Variants in PABPC1 observed in about 807,000 individuals in gnomAD.
PABPC1 encodes poly(A) binding protein cytoplasmic 1.
In PABPC1, 4 loss-of-function variants were observed where a neutral mutation model predicts 74.0. That is an observed-to-expected ratio of 0.05 (90% CI 0.03 to 0.12). The LOEUF is 0.12. Ranked by LOEUF, PABPC1 falls within the 10% of genes least tolerant of loss-of-function variation. The pLI is 1.00. For synonymous variants in PABPC1, 227 were observed against 264.1 expected (o/e 0.86, Z 1.36); for missense variants, 271 against 821.1 (o/e 0.33, Z 8.19).
chr8:100,707,470 G>A (rs1440463219), intron 9 of PABPC1, among the ~76,000 whole-genome samples: 1 of 152,230 alleles, frequency 6.6e-6, no homozygotes, highest in African/African-American at 2.4e-5. Context: ...GTCCACTGGA[G>A]AGGGGGCCCT....
intron 14 of PABPC1, 170 bp downstream of exon 14, chr8:100,704,127 T>C: frequency 1.9e-6 from 1 of 520,262 alleles, no homozygotes; most frequent in Non-Finnish European, 3.4e-6. Context: ...ACGGGTAAAA[T>C]TCCTTTAATT....
At chr8:100,708,192 G>A (rs1810432193) in intron 9 of PABPC1, among the ~76,000 whole-genome samples, 1 of 152,072 alleles carries the variant, frequency 6.6e-6, no homozygotes, top group South Asian at 2.1e-4. Flanking sequence ...TTGGCACCTG[G>A]GTGGTTTGCC....
chr8:100,712,533 C>T (rs182670974), intron 6 of PABPC1, 76 bp from the exon 7 acceptor site: 2 of 1,454,766 alleles, frequency 1.4e-6, no homozygotes, highest in African/African-American at 1.4e-5. Flanking sequence ...ATTATTTTAC[C>T]CCATATTTCT....
intron 4 of PABPC1, among the ~76,000 whole-genome samples, chr8:100,715,059 A>ACT (rs60278938): frequency 0.049 from 7,505 of 151,704 alleles, 610 homozygotes; most frequent in African/African-American, 0.17. Context: ...GTTCTATGAG[A>ACT]CTGCATTCCA....
intron 7 of PABPC1, among the ~76,000 whole-genome samples, chr8:100,710,464 T>G (rs1401259970): frequency 6.6e-6 from 1 of 152,212 alleles, no homozygotes; most frequent in Non-Finnish European, 1.5e-5. Flanking sequence ...AAGTTAACAT[T>G]TTAAAGTACT....
chr8:100,714,940 G>A (rs988726291), intron 4 of PABPC1, among the ~76,000 whole-genome samples: 3 of 152,080 alleles, frequency 2.0e-5, no homozygotes, highest in Non-Finnish European at 4.4e-5. Context: ...TTAAATGCAG[G>A]AAATAAGTAC....
intron 7 of PABPC1, among the ~76,000 whole-genome samples, chr8:100,710,712 C>T (rs369837437): frequency 6.6e-5 from 10 of 152,158 alleles, no homozygotes; most frequent in East Asian, 3.9e-4. Context: ...TTTGGCCGGG[C>T]GCGGTGGCTC....
In PABPC1 at chr8:100,704,379, A is replaced by C. The variant is rs1240000821; in HGVS notation, c.1830T>G (p.Ala610=). The change falls in exon 14 of 15, where the codon GCT becomes GCG. Residue 610 remains alanine (A), a synonymous_variant. Transcript: ENST00000318607. ...CTTGGTGGGCTTGTAGTACAGCTACAGCTTCATCAACCTAAAAAAGGGGAA... is the reference window on the plus strand; with the variant it reads ...CTTGGTGGGCTTGTAGTACAGCTACCGCTTCATCAACCTAAAAAAGGGGAA... ...PESLRSKVDE[A]VAVLQAHQAK... 1.2e-6 allele frequency: 2 copies of C among 1,613,876 alleles called. No individual in the cohort carries two copies. The highest frequency in any genetic ancestry group is 2.2e-5 in the South Asian group (2 of 91,074).
At chr8:100,720,494 C>T (rs1810790608) in intron 1 of PABPC1, among the ~76,000 whole-genome samples, 1 of 152,156 alleles carries the variant, frequency 6.6e-6, no homozygotes, top group Non-Finnish European at 1.5e-5. Context: ...ACTAAAGTAA[C>T]ATTTTATAGC....
chr8:100,714,959 A>G (rs535341557), intron 4 of PABPC1, among the ~76,000 whole-genome samples: 10 of 152,152 alleles, frequency 6.6e-5, no homozygotes, highest in Non-Finnish European at 1.2e-4. Flanking sequence ...ACTTTGAATC[A>G]CTGGAAAATC....
At chr8:100,714,954 G>C (rs566666237) in intron 4 of PABPC1, among the ~76,000 whole-genome samples, 1 of 152,116 alleles carries the variant, frequency 6.6e-6, no homozygotes, top group Non-Finnish European at 1.5e-5. Flanking sequence ...TAAGTACTTT[G>C]AATCACTGGA....
rs746674393 is a variant in PABPC1, at chr8:100,712,459, TA to T, written c.877-3del. ...ATTTTTCACATAAAGATTAACACCCTAAAAAGAAGAAAAGAAAACTATAGAA... is the reference window on the plus strand; with the variant it reads ...ATTTTTCACATAAAGATTAACACCCTAAAAGAAGAAAAGAAAACTATAGAA... On this transcript the variant is annotated splice_polypyrimidine_tract_variant and splice_region_variant and intron_variant, in intron 6 of 14. Coordinates refer to ENST00000318607, the MANE Select transcript of PABPC1 (RefSeq NM_002568.4). The T allele has an allele frequency of 6.3e-7, 1 of 1,578,978 alleles. No homozygotes were observed. Among genetic ancestry groups the T allele is most frequent in the South Asian group, 1.2e-5 (1 of 85,480 alleles).
chr8:100,703,285 A>G lies in PABPC1; in HGVS notation c.*76T>C, dbSNP rs1461676197. On this transcript the variant is annotated 3_prime_UTR_variant, in exon 15 of 15. Coordinates refer to ENST00000318607, the MANE Select transcript of PABPC1 (RefSeq NM_002568.4). ...ATATTTTGCAATGTTTTTTTTCCAT[A>G]ATATTTAAGTTTTTCGATGTTTAGA... 2 of 164,948 alleles carry G rather than the reference A, an allele frequency of 1.2e-5. No individual in the cohort carries two copies. Among genetic ancestry groups the G allele is most frequent in the Non-Finnish European group, 2.9e-5 (2 of 68,462 alleles). The allele number at this position is 164,948 out of a possible 1,614,324, so 10.2% of individuals were successfully genotyped here.
intron 1 of PABPC1, among the ~76,000 whole-genome samples, chr8:100,720,681 C>G (rs932752271): frequency 6.6e-6 from 1 of 152,234 alleles, no homozygotes; most frequent in Middle Eastern, 3.2e-3. Flanking sequence ...ACATCCCCTC[C>G]TCCCACTCTG....
chr8:100,709,097 C>T (rs754418149), intron 9 of PABPC1, 36 bp downstream of exon 9: 5 of 1,498,732 alleles, frequency 3.3e-6, no homozygotes, highest in Non-Finnish European at 4.6e-6. Flanking sequence ...ATTTTTAACT[C>T]AATCCCCAAC....
At position 100,715,533 on chromosome 8, in the gene PABPC1, G is replaced by A. The variant is rs1810647451; in HGVS notation, c.572C>T (p.Thr191Ile). 1 of 1,613,044 alleles carries A rather than the reference G, an allele frequency of 6.2e-7. No individual in the cohort carries two copies. Among genetic ancestry groups the A allele is most frequent in the African/African-American group, 1.3e-5 (1 of 74,898 alleles). ...AELGARAKEF[T>I]NVYIKNFGED... Reference sequence around the variant, plus strand: ...TCCAAAATTCTTGATGTAAACATTGGTGAATTCTTTTGCCCTAGCTCCAAG... The same window carrying A: ...TCCAAAATTCTTGATGTAAACATTGATGAATTCTTTTGCCCTAGCTCCAAG... The change falls in exon 4 of 15, where the codon ACC (threonine) becomes ATC (isoleucine). Residue 191 changes from threonine to isoleucine, a missense_variant. Physicochemically the swap from Thr to Ile is moderately conservative, Grantham distance 89. Coordinates refer to ENST00000318607, the MANE Select transcript of PABPC1 (RefSeq NM_002568.4).
chr8:100,717,692 AAAT>A, intron 3 of PABPC1, 78 bp downstream of exon 3: 3 of 858,148 alleles, frequency 3.5e-6, no homozygotes, highest in Non-Finnish European at 5.5e-6. Flanking sequence ...TCTCCCTGAC[AAAT>A]ATTAACTTAA....
At chr8:100,719,867 A>G (rs1025741542) in intron 1 of PABPC1, among the ~76,000 whole-genome samples, 1 of 152,208 alleles carries the variant, frequency 6.6e-6, no homozygotes, top group Non-Finnish European at 1.5e-5. Flanking sequence ...GCATTGATAC[A>G]TCCTGCCTAA....
In PABPC1 at chr8:100,721,347, A is replaced by G. The variant is rs769891540; in HGVS notation, c.193+44T>C. 156 of 1,222,186 alleles carry G rather than the reference A, an allele frequency of 1.3e-4. No homozygotes were observed. Among genetic ancestry groups the G allele is most frequent in the Non-Finnish European group, 1.6e-4 (153 of 946,268 alleles). The allele number at this position is 1,222,186 out of a possible 1,614,324, so 75.7% of individuals were successfully genotyped here. On this transcript the variant is annotated intron_variant, in intron 1 of 14. Coordinates refer to ENST00000318607, the MANE Select transcript of PABPC1 (RefSeq NM_002568.4). The surrounding 1 kb of genome is among the most constrained non-coding windows in gnomAD (Gnocchi z 7.4). ...CGCCCGCCGCCGCCGCCCGAGCCTC[A>G]TGGCCGCCCGCCCGCCCGGCCGACC... is the stretch of plus-strand genomic sequence containing the variant.
Sources: allele counts gnomAD v4.1 joint callset (sites outside exome capture counted in the v4.1 genomes callset), GRCh38; gene constraint gnomAD v4.1.1; non-coding constraint Gnocchi (gnomAD v3.1); transcripts MANE v1.5; gene names NCBI Gene and HGNC (gene_info 2026-07-23, HGNC 2026-07-21).